The following CSMD3 variants were observed in gnomAD, a reference collection of about 807,000 sequenced individuals.
CSMD3 encodes the protein CUB and Sushi multiple domains 3, also known as CUB and sushi domain-containing protein 3.
In CSMD3, 177 loss-of-function variants were observed where a neutral mutation model predicts 435.2. The observed-to-expected ratio is 0.41, with a 90% CI of 0.36 to 0.46. The LOEUF is 0.46. Ranked by LOEUF, CSMD3 falls within the 20% of genes least tolerant of loss-of-function variation. CSMD3 has a pLI of 0.34. For synonymous variants in CSMD3, 1,656 were observed against 1,520.5 expected, an observed-to-expected ratio of 1.09 and a Z score of -2.07; for missense variants, 4,265 against 4,504.6, an observed-to-expected ratio of 0.95 and a Z score of 1.52.
At chr8:112,398,276 G>C (rs1831020251) in intron 35 of CSMD3, among the ~76,000 whole-genome samples, 1 of 152,096 alleles carries the variant, frequency 6.6e-6, no homozygotes, top group Admixed American at 6.6e-5. Flanking sequence ...CCCACATTCT[G>C]GACCTACTGG....
chr8:113,172,377 C>G (rs2092282379), intron 4 of CSMD3, among the ~76,000 whole-genome samples: 1 of 152,162 alleles, frequency 6.6e-6, no homozygotes, highest in East Asian at 1.9e-4. Flanking sequence ...CAGCTAATAG[C>G]AGTTATTCAA....
chr8:112,709,695 G>A (rs2076570883), intron 13 of CSMD3, among the ~76,000 whole-genome samples: 1 of 151,986 alleles, frequency 6.6e-6, no homozygotes, highest in Admixed American at 6.6e-5. Context: ...TTATTAAAAT[G>A]GGACTGCTGT....
chr8:113,203,352 G>T (rs2092733919), intron 3 of CSMD3, among the ~76,000 whole-genome samples: 1 of 151,808 alleles, frequency 6.6e-6, no homozygotes, highest in African/African-American at 2.4e-5. Context: ...CTGGGCTGGA[G>T]TTCAATGGTA....
At chr8:112,241,851 C>A (rs1814195756) in intron 65 of CSMD3, 66 bp from the exon 66 acceptor site, 10 of 842,512 alleles carry the variant, frequency 1.2e-5, no homozygotes, top group Non-Finnish European at 1.7e-5. Flanking sequence ...TGCGCACACA[C>A]ACACACGCAC....
intron 35 of CSMD3, among the ~76,000 whole-genome samples, chr8:112,399,676 A>G (rs1312879823): frequency 1.3e-5 from 2 of 152,162 alleles, no homozygotes; most frequent in African/African-American, 4.8e-5. Flanking sequence ...CATTGTTTAA[A>G]GTTTTACCTT....
chr8:113,018,991 T>C (rs531228235), intron 6 of CSMD3, 76 bp downstream of exon 6: 1 of 966,756 alleles, frequency 1.0e-6, no homozygotes, highest in East Asian at 2.4e-5. Context: ...AAGACATTTT[T>C]CTATCACAAA....
intron 27 of CSMD3, among the ~76,000 whole-genome samples, chr8:112,536,423 G>T (rs1451741708): frequency 6.6e-6 from 1 of 152,170 alleles, no homozygotes; most frequent in Non-Finnish European, 1.5e-5. Context: ...ATGAAAAAAT[G>T]CTCACCATCA....
At chr8:113,201,242 G>A (rs2092713372) in intron 3 of CSMD3, among the ~76,000 whole-genome samples, 1 of 151,936 alleles carries the variant, frequency 6.6e-6, no homozygotes, top group Non-Finnish European at 1.5e-5. Flanking sequence ...ACCACTGCTA[G>A]CATCATTTCA....
intron 1 of CSMD3, among the ~76,000 whole-genome samples, chr8:113,344,637 A>C (rs1172407945): frequency 6.6e-6 from 1 of 152,164 alleles, no homozygotes; most frequent in Non-Finnish European, 1.5e-5. Flanking sequence ...GCATCATACC[A>C]ACAACAAGTA....
At chr8:112,284,355 C>G (rs1448462441) in intron 58 of CSMD3, among the ~76,000 whole-genome samples, 1 of 151,692 alleles carries the variant, frequency 6.6e-6, no homozygotes, top group Non-Finnish European at 1.5e-5. Context: ...AGTAATATGA[C>G]AGCAATAGAA....
chr8:113,120,453 T>C (rs552607295), intron 4 of CSMD3, among the ~76,000 whole-genome samples: 76 of 152,268 alleles, frequency 5.0e-4, no homozygotes, highest in Non-Finnish European at 9.7e-4. Context: ...CATACATAAA[T>C]ATTTTAAAAT....
chr8:112,788,584 T>C (rs1002302352), intron 13 of CSMD3, among the ~76,000 whole-genome samples: 1 of 152,172 alleles, frequency 6.6e-6, no homozygotes, highest in African/African-American at 2.4e-5. Context: ...CTTAAAATTA[T>C]TTTTAAGTAT....
intron 7 of CSMD3, among the ~76,000 whole-genome samples, chr8:112,966,450 T>C (rs2084418515): frequency 6.6e-6 from 1 of 151,490 alleles, no homozygotes; most frequent in Non-Finnish European, 1.5e-5. Flanking sequence ...TTCTTTTTTC[T>C]CTTTATTTTC....
chr8:113,280,364 T>C (rs1261850861), intron 2 of CSMD3, among the ~76,000 whole-genome samples: 1 of 151,890 alleles, frequency 6.6e-6, no homozygotes, highest in Non-Finnish European at 1.5e-5. Flanking sequence ...CTATTCAGGG[T>C]GTCTAATTCT....
At chr8:113,321,006 A>G (rs2093945686) in intron 1 of CSMD3, among the ~76,000 whole-genome samples, 1 of 151,982 alleles carries the variant, frequency 6.6e-6, no homozygotes, top group Non-Finnish European at 1.5e-5. Context: ...ATCTATCTCT[A>G]GTCCCCTCTT....
At chr8:113,046,614 A>G (rs1235690846) in intron 5 of CSMD3, among the ~76,000 whole-genome samples, 1 of 152,118 alleles carries the variant, frequency 6.6e-6, no homozygotes, top group Non-Finnish European at 1.5e-5. Flanking sequence ...AACAACCTAT[A>G]TCAGACATGA....
intron 3 of CSMD3, among the ~76,000 whole-genome samples, chr8:113,267,908 T>C (rs1275351378): frequency 6.6e-6 from 1 of 151,772 alleles, no homozygotes; most frequent in East Asian, 1.9e-4. Flanking sequence ...AACTGATACA[T>C]GCCGAAATTA....
chr8:112,867,419 G>A (rs147643444), intron 10 of CSMD3, among the ~76,000 whole-genome samples: 49 of 152,184 alleles, frequency 3.2e-4, no homozygotes, highest in Non-Finnish European at 4.0e-4. Flanking sequence ...TCGTTCATGC[G>A]TTGCTTAATG....
Position 112,589,094 on chromosome 8 carries a change from A to C in CSMD3, c.3716-1859T>G, listed in dbSNP as rs140425856. Reference sequence around the variant, plus strand: ...CAAATGGTTTTAGTTCTTCTCTGTAATAAACTGACACAATATTTTTCAATT... The same window carrying C: ...CAAATGGTTTTAGTTCTTCTCTGTACTAAACTGACACAATATTTTTCAATT... On this transcript the variant is annotated intron_variant, in intron 22 of 70. Transcript: ENST00000297405. Among the ~76,000 whole-genome samples the C allele has an allele frequency of 1.7e-3, 259 of 152,314 alleles. 3 individuals carry two copies. Among genetic ancestry groups the C allele is most frequent in the African/African-American group, 6.0e-3 (249 of 41,584 alleles).
Sources: allele counts gnomAD v4.1 joint callset (sites outside exome capture counted in the v4.1 genomes callset), GRCh38; gene constraint gnomAD v4.1.1; transcripts MANE v1.5; gene names NCBI Gene and HGNC (gene_info 2026-07-23, HGNC 2026-07-21).